Variants in LRRC4C observed in about 807,000 individuals in gnomAD.
LRRC4C encodes leucine-rich repeat-containing protein 4C.
LRRC4C carries 5 observed loss-of-function variants against 33.6 expected under a neutral mutation model. The ratio of observed to expected loss-of-function variants is 0.15; its 90% CI spans 0.08 to 0.31. The LOEUF (loss-of-function observed/expected upper bound fraction) is 0.31, where lower values mean the gene tolerates loss of function less well. LRRC4C is among the 10% of genes least tolerant of loss of function. The pLI, the probability that LRRC4C is intolerant of heterozygous loss-of-function variation, is 1.00. For synonymous variants in LRRC4C, 329 were observed against 302.0 expected (o/e 1.09, Z -0.93); for missense variants, 560 against 796.7 (o/e 0.70, Z 3.58).
intron 5 of LRRC4C, among the ~76,000 whole-genome samples, chr11:40,192,445 T>G (rs767219406): frequency 6.6e-6 from 1 of 152,186 alleles, no homozygotes; most frequent in African/African-American, 2.4e-5. Context: ...TATCTCACGG[T>G]CTTCGCAATC....
chr11:41,363,774 AC>A (rs1315447042), intron 1 of LRRC4C, among the ~76,000 whole-genome samples: 2 of 152,014 alleles, frequency 1.3e-5, no homozygotes, highest in African/African-American at 4.8e-5. Flanking sequence ...AGTCCCATTC[AC>A]CCCCGCCAAC....
intron 3 of LRRC4C, among the ~76,000 whole-genome samples, chr11:40,563,960 A>T (rs1957654505): frequency 6.6e-6 from 1 of 152,180 alleles, no homozygotes; most frequent in Admixed American, 6.5e-5. Context: ...CTAGGGTTAC[A>T]TTTCAGTGCA....
At chr11:41,200,116 T>G (rs574609828) in intron 1 of LRRC4C, among the ~76,000 whole-genome samples, 4 of 152,208 alleles carry the variant, frequency 2.6e-5, no homozygotes, top group South Asian at 2.1e-4. Context: ...TGAAATGAGT[T>G]AACTTATTTG....
chr11:40,828,573 T>C (rs1218694353), intron 2 of LRRC4C, among the ~76,000 whole-genome samples: 3 of 151,888 alleles, frequency 2.0e-5, no homozygotes, highest in African/African-American at 4.8e-5. Flanking sequence ...ATTAAGTGAT[T>C]TGGATATGGA....
intron 5 of LRRC4C, among the ~76,000 whole-genome samples, chr11:40,201,889 C>T (rs1334612198): frequency 6.6e-6 from 1 of 152,128 alleles, no homozygotes; most frequent in Non-Finnish European, 1.5e-5. Context: ...ATGGCCCTCA[C>T]TACACACCAG....
intron 4 of LRRC4C, among the ~76,000 whole-genome samples, chr11:40,256,583 T>C (rs1867222209): frequency 6.6e-6 from 1 of 152,064 alleles, no homozygotes; most frequent in South Asian, 2.1e-4. Flanking sequence ...AACCAATAAA[T>C]AAATGAACAA....
chr11:40,563,629 T>C (rs1957641929), intron 3 of LRRC4C, among the ~76,000 whole-genome samples: 2 of 152,272 alleles, frequency 1.3e-5, no homozygotes, highest in Non-Finnish European at 2.9e-5. Flanking sequence ...GGCTAATAGT[T>C]GGTGGCACAG....
chr11:40,292,993 T>G (rs985042503), intron 4 of LRRC4C: 4 of 151,504 alleles, frequency 2.6e-5, no homozygotes, highest in Admixed American at 6.6e-5. Flanking sequence ...GGGGAGCAAC[T>G]TCCCCCCCAC....
intron 4 of LRRC4C, among the ~76,000 whole-genome samples, chr11:40,300,742 C>T (rs906078880): frequency 6.6e-6 from 1 of 152,208 alleles, no homozygotes; most frequent in African/African-American, 2.4e-5. Context: ...CTTCATTCTT[C>T]AGGATTCAAT....
intron 1 of LRRC4C, among the ~76,000 whole-genome samples, chr11:41,306,021 T>TAAAAAAAAAA (rs1158183443): frequency 9.1e-6 from 1 of 110,460 alleles, no homozygotes; most frequent in African/African-American, 3.0e-5. Flanking sequence ...TTTCTTTCTC[T>TAAAAAAAAAA]AAAAAAAAAA....
chr11:40,272,007 G>A (rs911250622), intron 4 of LRRC4C, among the ~76,000 whole-genome samples: 2 of 152,042 alleles, frequency 1.3e-5, no homozygotes, highest in Non-Finnish European at 2.9e-5. Flanking sequence ...AAAATACCAT[G>A]AAAAACCTTG....
At chr11:41,183,811 G>A (rs907018556) in intron 1 of LRRC4C, among the ~76,000 whole-genome samples, 1 of 152,156 alleles carries the variant, frequency 6.6e-6, no homozygotes. Flanking sequence ...TTCTCCATGA[G>A]AGCCCCATCA....
intron 1 of LRRC4C, among the ~76,000 whole-genome samples, chr11:41,295,290 C>T (rs1950106073): frequency 6.6e-6 from 1 of 152,058 alleles, no homozygotes; most frequent in Non-Finnish European, 1.5e-5. Context: ...TGGACCATCC[C>T]TATATTTTAG....
chr11:41,389,639 C>CAGAAAAAAAAAAA (rs1555163693), intron 1 of LRRC4C, among the ~76,000 whole-genome samples: 1 of 80,972 alleles, frequency 1.2e-5, no homozygotes, highest in Non-Finnish European at 2.2e-5. Context: ...CAGTGAGCAG[C>CAGAAAAAAAAAAA]AAAAAAAAAA....
chr11:40,772,632 A>G (rs1949806047), intron 2 of LRRC4C, among the ~76,000 whole-genome samples: 1 of 152,236 alleles, frequency 6.6e-6, no homozygotes, highest in South Asian at 2.1e-4. Flanking sequence ...AGAAAATGCA[A>G]ATCAAAACTA....
At chr11:41,128,368 T>A (rs1268056717) in intron 1 of LRRC4C, among the ~76,000 whole-genome samples, 1 of 152,134 alleles carries the variant, frequency 6.6e-6, no homozygotes, top group African/African-American at 2.4e-5. Context: ...ATGCCTGAAT[T>A]AAACTGACTG....
rs116626438 is a variant in LRRC4C, at chr11:41,058,315, C to G, written c.-495-124592G>C. ...TGTGGTGCAGCTGGTCTGGCTGCAG[C>G]CTCGCAAAGAGCCAGTGCCCATGCC... On this transcript the variant is annotated intron_variant, in intron 1 of 6. Coordinates refer to ENST00000528697, the MANE Select transcript of LRRC4C (RefSeq NM_001258419.2). Among the ~76,000 whole-genome samples, 1,484 of 152,346 alleles carry G rather than the reference C, an allele frequency of 9.7e-3. 24 individuals carry two copies. Among genetic ancestry groups the G allele is most frequent in the African/African-American group, 0.034 (1,422 of 41,584 alleles).
In LRRC4C at chr11:40,855,922, A is replaced by G. The variant is rs141362678; in HGVS notation, c.-407+77713T>C. Among the ~76,000 whole-genome samples, 388 of 151,798 alleles carry G rather than the reference A, an allele frequency of 2.6e-3. 2 individuals are homozygous for G. Among genetic ancestry groups the G allele is most frequent in the African/African-American group, 8.8e-3 (364 of 41,504 alleles). ...TCTTTTATAATTATTTTATTATACTATATTTTATGTTGCTTTTTTCTATTA... is the reference window on the plus strand; with the variant it reads ...TCTTTTATAATTATTTTATTATACTGTATTTTATGTTGCTTTTTTCTATTA... On this transcript the variant is annotated intron_variant, in intron 2 of 6. Coordinates refer to ENST00000528697, the MANE Select transcript of LRRC4C (RefSeq NM_001258419.2).
chr11:40,251,276 T>G (rs1866765325), intron 4 of LRRC4C, among the ~76,000 whole-genome samples: 1 of 152,196 alleles, frequency 6.6e-6, no homozygotes, highest in Non-Finnish European at 1.5e-5. Flanking sequence ...TTATTCTTGC[T>G]TCTGTAAAAA....
Sources: gnomAD v4.1 joint callset for allele counts (sites outside exome capture counted in the v4.1 genomes callset) on GRCh38, gnomAD v4.1.1 for gene constraint, MANE v1.5 for transcripts, NCBI Gene and HGNC (gene_info 2026-07-23, HGNC 2026-07-21) for gene names.